PDE11A: variants seen among roughly 807,000 people sequenced by gnomAD.
PDE11A encodes phosphodiesterase 11A.
PDE11A carries 100 observed loss-of-function variants against 100.5 expected under a neutral mutation model. That is an observed-to-expected ratio of 1.00 (90% CI 0.85 to 1.18). PDE11A has a LOEUF of 1.18. PDE11A is among the 50% of genes most tolerant of loss of function. The pLI is 0.00. For missense variants in PDE11A, 1,141 were observed against 1,152.6 expected (o/e 0.99, Z 0.15); for synonymous variants, 381 against 420.8 (o/e 0.91, Z 1.16).
intron 2 of PDE11A, among the ~76,000 whole-genome samples, chr2:178,099,311 G>A (rs1385880457): frequency 6.6e-6 from 1 of 152,032 alleles, no homozygotes; most frequent in African/African-American, 2.4e-5. Flanking sequence ...GGTGGCACAC[G>A]CCTGTAATCC....
intron 1 of PDE11A, among the ~76,000 whole-genome samples, chr2:178,026,037 C>A (rs2105837195): frequency 6.6e-6 from 1 of 152,256 alleles, no homozygotes; most frequent in East Asian, 1.9e-4. Context: ...GCATGAAAAG[C>A]CAGGTCCAGG....
intron 2 of PDE11A, among the ~76,000 whole-genome samples, chr2:177,929,708 T>C (rs534912339): frequency 6.6e-6 from 1 of 152,288 alleles, no homozygotes; most frequent in African/African-American, 2.4e-5. Flanking sequence ...GAGTTAATTT[T>C]GTAGTTGAAT....
intron 1 of PDE11A, among the ~76,000 whole-genome samples, chr2:178,107,229 T>G (rs1242248627): frequency 6.6e-6 from 1 of 151,880 alleles, no homozygotes; most frequent in Non-Finnish European, 1.5e-5. Context: ...CTCTTCCAAG[T>G]GCATTAAAAC....
chr2:178,078,115 C>A (rs1000179514), intron 2 of PDE11A, among the ~76,000 whole-genome samples: 21 of 151,986 alleles, frequency 1.4e-4, no homozygotes, highest in Non-Finnish European at 2.4e-4. Flanking sequence ...TCACCTCCTG[C>A]CACAACTCTC....
intron 2 of PDE11A, among the ~76,000 whole-genome samples, chr2:177,925,532 G>C (rs2085114788): frequency 6.6e-6 from 1 of 152,138 alleles, no homozygotes; most frequent in Non-Finnish European, 1.5e-5. Flanking sequence ...GTCTTCTTTT[G>C]AGAAGTGTCT....
At chr2:177,767,934 G>A (rs1459076818) in intron 10 of PDE11A, among the ~76,000 whole-genome samples, 1 of 151,998 alleles carries the variant, frequency 6.6e-6, no homozygotes, top group East Asian at 1.9e-4. Context: ...GCAACAAATG[G>A]GCCCTGACTG....
chr2:177,827,739 G>A (rs917236142), intron 6 of PDE11A, among the ~76,000 whole-genome samples: 1 of 152,174 alleles, frequency 6.6e-6, no homozygotes, highest in African/African-American at 2.4e-5. Context: ...ATTGAATTCC[G>A]AGGCACAATG....
At chr2:177,822,121 A>G (rs2083150563) in intron 6 of PDE11A, among the ~76,000 whole-genome samples, 1 of 151,790 alleles carries the variant, frequency 6.6e-6, no homozygotes, top group South Asian at 2.1e-4. Context: ...TTTTAAATTT[A>G]TGGTCAGTAT....
intron 2 of PDE11A, chr2:177,922,786 G>A: frequency 4.1e-6 from 4 of 984,852 alleles, no homozygotes; most frequent in Non-Finnish European, 4.8e-6. Context: ...CCAACACACA[G>A]TGGACTTTTC....
chr2:177,790,965 G>A (rs1214181126), intron 9 of PDE11A, among the ~76,000 whole-genome samples: 5 of 152,138 alleles, frequency 3.3e-5, no homozygotes, highest in Admixed American at 6.5e-5. Context: ...CAACCATTGT[G>A]GAAGTCAGTG....
At chr2:178,004,871 A>G (rs1234166011) in intron 2 of PDE11A, among the ~76,000 whole-genome samples, 4 of 152,138 alleles carry the variant, frequency 2.6e-5, no homozygotes, top group Non-Finnish European at 4.4e-5. Context: ...CAGTCTCTTA[A>G]CTTCCCCAGT....
chr2:177,847,499 C>T (rs1380085290), intron 5 of PDE11A, among the ~76,000 whole-genome samples: 3 of 152,166 alleles, frequency 2.0e-5, no homozygotes, highest in African/African-American at 7.2e-5. Context: ...ACAACCAGGC[C>T]TCCAAAGCTT....
chr2:178,035,869 A>G (rs6753377), intron 1 of PDE11A, among the ~76,000 whole-genome samples: 1,703 of 152,290 alleles, frequency 0.011, 22 homozygotes, highest in African/African-American at 0.039. Flanking sequence ...TTGATGGAAC[A>G]TATCTCAAAA....
At chr2:177,756,862 A>C (rs1223704512) in intron 10 of PDE11A, among the ~76,000 whole-genome samples, 2 of 152,236 alleles carry the variant, frequency 1.3e-5, no homozygotes, top group Non-Finnish European at 2.9e-5. Flanking sequence ...ACAAACGAAC[A>C]CATAAACAAA....
intron 1 of PDE11A, among the ~76,000 whole-genome samples, chr2:178,035,092 T>G (rs1029331751): frequency 1.3e-5 from 2 of 150,838 alleles, no homozygotes; most frequent in East Asian, 1.9e-4. Flanking sequence ...CCAGGAGCTG[T>G]TTTTTTTTAA....
At chr2:177,690,832 T>C (rs1454175753) in intron 15 of PDE11A, among the ~76,000 whole-genome samples, 3 of 152,378 alleles carry the variant, frequency 2.0e-5, no homozygotes, top group Middle Eastern at 3.4e-3. Context: ...GCTTAAATCA[T>C]GCTCTGAGGC....
intron 2 of PDE11A, among the ~76,000 whole-genome samples, chr2:177,907,413 T>G (rs868250562): frequency 3.3e-5 from 5 of 152,224 alleles, no homozygotes; most frequent in Admixed American, 2.0e-4. Flanking sequence ...GTAATTGCCA[T>G]TGGCTAAGCC....
chr2:177,892,921 C>G (rs2084553074), intron 4 of PDE11A, among the ~76,000 whole-genome samples: 1 of 152,214 alleles, frequency 6.6e-6, no homozygotes, highest in African/African-American at 2.4e-5. Context: ...CTTTGGGACT[C>G]TAGAAAAGCT....
chr2:178,100,413 C>CA (rs2087547671), intron 2 of PDE11A, among the ~76,000 whole-genome samples: 2 of 151,986 alleles, frequency 1.3e-5, no homozygotes, highest in Admixed American at 6.6e-5. Context: ...AGGTCATACA[C>CA]AAAAAAATAA....
Sources: gnomAD v4.1 joint callset for allele counts (sites outside exome capture counted in the v4.1 genomes callset) on GRCh38, gnomAD v4.1.1 for gene constraint, MANE v1.5 for transcripts, NCBI Gene and HGNC (gene_info 2026-07-23, HGNC 2026-07-21) for gene names.